The following ERICH1 variants were observed in gnomAD, a reference collection of about 807,000 sequenced individuals.
ERICH1 encodes glutamate rich 1, also known as glutamate-rich protein 1.
ERICH1 carries 56 observed loss-of-function variants against 39.6 expected under a neutral mutation model. That is an observed-to-expected ratio of 1.41 (90% CI 1.14 to 1.77). ERICH1 has a LOEUF of 1.77. ERICH1 is among the 40% of genes most tolerant of loss of function. The probability of loss-of-function intolerance (pLI) is 0.00; values close to 1 mark genes in which losing one functional copy is unlikely to be tolerated. For missense variants in ERICH1, 826 were observed against 575.4 expected, an observed-to-expected ratio of 1.44 and a Z score of -4.45; for synonymous variants, 313 against 223.6, an observed-to-expected ratio of 1.40 and a Z score of -3.57.
intron 2 of ERICH1, among the ~76,000 whole-genome samples, chr8:699,090 G>A (rs1469710374): frequency 6.6e-6 from 1 of 151,900 alleles, no homozygotes; most frequent in Non-Finnish European, 1.5e-5. Context: ...ACTACGGCCT[G>A]CGCAACACAG....
At chr8:633,898 A>AAGACCTAAATGTG (rs1798212065) in intron 3 of ERICH1, among the ~76,000 whole-genome samples, 1 of 152,222 alleles carries the variant, frequency 6.6e-6, no homozygotes, top group Non-Finnish European at 1.5e-5. Context: ...AAGTACATCA[A>AAGACCTAAATGTG]AGACCTAAAT....
chr8:716,910 C>G (rs548691278), intron 1 of ERICH1, among the ~76,000 whole-genome samples: 29 of 152,282 alleles, frequency 1.9e-4, no homozygotes, highest in African/African-American at 6.7e-4. Context: ...AGGCACAAAT[C>G]CTTCCTAATT....
intron 3 of ERICH1, among the ~76,000 whole-genome samples, chr8:632,943 G>C (rs1400214923): frequency 1.3e-5 from 2 of 152,234 alleles, no homozygotes; most frequent in Admixed American, 1.3e-4. Context: ...ACAGCAAAGA[G>C]CCGTTTAGGC....
At position 622,779 on chromosome 8, in the gene ERICH1, C is replaced by T. The variant is rs993639579; in HGVS notation, c.977-7495G>A. 5.9e-5 allele frequency among the ~76,000 whole-genome samples: 9 copies of T among 152,000 alleles called. 1 individual carries two copies. Among genetic ancestry groups the T allele is most frequent in the South Asian group, 4.2e-4 (2 of 4,806 alleles). ...ACCAGCCTTGGCAACATAGTGAGAC[C>T]GTGTCTCTATAAAAAAATTTTTTTA... On this transcript the variant is annotated intron_variant, in intron 3 of 3. Transcript: ENST00000522706.
intron 3 of ERICH1, among the ~76,000 whole-genome samples, chr8:644,016 G>C (rs188785461): frequency 2.0e-5 from 3 of 152,234 alleles, no homozygotes; most frequent in African/African-American, 7.2e-5. Flanking sequence ...AGTCCTGTGG[G>C]CTTGGTGGGG....
At chr8:652,690 G>T (rs1800127983) in intron 3 of ERICH1, among the ~76,000 whole-genome samples, 1 of 152,200 alleles carries the variant, frequency 6.6e-6, no homozygotes, top group Non-Finnish European at 1.5e-5. Flanking sequence ...CAGGCTCAGA[G>T]AATTTAAGCT....
At chr8:705,660 T>C (rs1476604948) in intron 2 of ERICH1, among the ~76,000 whole-genome samples, 1 of 134,118 alleles carries the variant, frequency 7.5e-6, no homozygotes, top group African/African-American at 2.6e-5. Context: ...AACATCGTAT[T>C]AGAACTTCTA....
At chr8:729,207 A>G (rs1819467877) in intron 1 of ERICH1, among the ~76,000 whole-genome samples, 1 of 152,180 alleles carries the variant, frequency 6.6e-6, no homozygotes. Flanking sequence ...TGAATAAACG[A>G]CGCCAAGTCA....
At chr8:682,016 CAG>C (rs1295161158) in intron 3 of ERICH1, among the ~76,000 whole-genome samples, 9 of 152,112 alleles carry the variant, frequency 5.9e-5, no homozygotes, top group African/African-American at 2.2e-4. Flanking sequence ...TGTCTCCTCT[CAG>C]AAGTTTTCCA....
chr8:626,307 T>C (rs993522280), intron 3 of ERICH1: 7 of 152,214 alleles, frequency 4.6e-5, no homozygotes, highest in South Asian at 4.1e-4. Context: ...GAGCCAACTA[T>C]TGAGGACCTG....
chr8:674,030 G>C lies in ERICH1; in HGVS notation c.322C>G (p.Gln108Glu), dbSNP rs774077823. The stretch of plus-strand genomic sequence containing the variant: ...TTCCTAATTCTTCTTCTCTTTGGCT[G>C]GTCATGAGGATCCTGATCTGTTAAA... Reference protein sequence around the residue: ...DDTEDQDPHDQPKRRRIRKHK... With the variant: ...DDTEDQDPHDEPKRRRIRKHK... Residue 108 changes from glutamine to glutamate, a missense_variant, in exon 4 of 6, where the codon CAG (glutamine) becomes GAG (glutamate). Physicochemically the swap from Gln to Glu is conservative, Grantham distance 29. Transcript: ENST00000262109. 2.6e-6 allele frequency: 4 copies of C among 1,560,398 alleles called. No individual in the cohort carries two copies. The highest frequency in any genetic ancestry group is 8.6e-7 in the Non-Finnish European group (1 of 1,167,154).
chr8:636,520 G>T (rs192344020), intron 3 of ERICH1, among the ~76,000 whole-genome samples: 200 of 152,322 alleles, frequency 1.3e-3, no homozygotes, highest in African/African-American at 4.5e-3. Context: ...GCCCCACGTG[G>T]GCCCAACAGA....
intron 3 of ERICH1, among the ~76,000 whole-genome samples, chr8:641,625 G>C (rs186367397): frequency 6.6e-6 from 1 of 152,248 alleles, no homozygotes; most frequent in African/African-American, 2.4e-5. Flanking sequence ...TGTACTGGGA[G>C]GAGGTAGTGT....
At chr8:677,148 C>G (rs541214667) in intron 3 of ERICH1, among the ~76,000 whole-genome samples, 1 of 152,240 alleles carries the variant, frequency 6.6e-6, no homozygotes, top group Non-Finnish European at 1.5e-5. Context: ...CTGCGGACAC[C>G]GCAAGCTGTG....
chr8:625,106 T>A (rs917998211), intron 3 of ERICH1, among the ~76,000 whole-genome samples: 1 of 152,132 alleles, frequency 6.6e-6, no homozygotes, highest in Non-Finnish European at 1.5e-5. Flanking sequence ...CATGATCCAA[T>A]CACTCCCACC....
chr8:684,445 GCT>G (rs1806841975), intron 3 of ERICH1, among the ~76,000 whole-genome samples: 1 of 116,396 alleles, frequency 8.6e-6, no homozygotes, highest in South Asian at 3.2e-4. Context: ...TTTGTGTGAG[GCT>G]CTGAAACTGT....
intron 3 of ERICH1, among the ~76,000 whole-genome samples, chr8:634,298 T>C (rs1417961765): frequency 2.0e-5 from 3 of 152,198 alleles, no homozygotes; most frequent in Admixed American, 1.3e-4. Context: ...ACCTCACCCG[T>C]TGGGATGGCT....
chr8:652,326 T>C (rs1170242265), intron 3 of ERICH1, among the ~76,000 whole-genome samples: 1 of 152,228 alleles, frequency 6.6e-6, no homozygotes, highest in African/African-American at 2.4e-5. Flanking sequence ...AGTCACCACC[T>C]TTAGGGAAGC....
chr8:634,367 G>A (rs1031394670), intron 3 of ERICH1, among the ~76,000 whole-genome samples: 6 of 151,470 alleles, frequency 4.0e-5, no homozygotes, highest in Non-Finnish European at 7.4e-5. Context: ...TGGAACCCTC[G>A]TGCACTGTTG....
Sources: gnomAD v4.1 joint callset for allele counts (sites outside exome capture counted in the v4.1 genomes callset) on GRCh38, gnomAD v4.1.1 for gene constraint, MANE v1.5 for transcripts, NCBI Gene and HGNC (gene_info 2026-07-23, HGNC 2026-07-21) for gene names.